RCL1: variants seen among roughly 807,000 people sequenced by gnomAD.
RCL1 encodes the protein RNA terminal phosphate cyclase like 1, also known as RNA 3'-terminal phosphate cyclase-like protein.
A neutral mutation model predicts 42.4 loss-of-function variants in RCL1; 24 were observed. That is an observed-to-expected ratio of 0.57 (90% CI 0.41 to 0.80). The LOEUF (loss-of-function observed/expected upper bound fraction) is 0.80, where lower values mean the gene tolerates loss of function less well. Among genes scored for constraint, RCL1 ranks in the 30% least tolerant of loss-of-function variants. RCL1 has a pLI of 0.00. For synonymous variants in RCL1, 228 were observed against 177.3 expected (o/e 1.29, Z -2.27); for missense variants, 578 against 467.9 (o/e 1.24, Z -2.17).
chr9:4,848,711 G>A (rs1370278571), intron 7 of RCL1, among the ~76,000 whole-genome samples: 1 of 152,142 alleles, frequency 6.6e-6, no homozygotes, highest in Non-Finnish European at 1.5e-5. Flanking sequence ...CTGAGAAAAT[G>A]AAAAACAAAA....
rs1053872 is a variant in RCL1, at chr9:4,860,643, G to T, written c.*368G>T. 1.1e-5 allele frequency: 2 copies of T among 186,688 alleles called. No homozygotes were observed. Among genetic ancestry groups the T allele is most frequent in the African/African-American group, 4.8e-5 (2 of 42,000 alleles). 11.6% of individuals were successfully genotyped at this position (186,688 alleles called of 1,614,324 possible). Reference sequence around the variant, plus strand: ...CAGCCCTCTGTCATATGGCTGTTTTGCAAACCTGTGGAGTCTGTTACTGTT... The same window carrying T: ...CAGCCCTCTGTCATATGGCTGTTTTTCAAACCTGTGGAGTCTGTTACTGTT... On this transcript the variant is annotated 3_prime_UTR_variant, in exon 9 of 9. Coordinates refer to ENST00000381750, the MANE Select transcript of RCL1 (RefSeq NM_005772.5).
intron 3 of RCL1, 85 bp downstream of exon 3, chr9:4,827,118 G>T: frequency 1.3e-6 from 2 of 1,587,242 alleles, no homozygotes; most frequent in East Asian, 2.3e-5. Context: ...TCCTTATAAG[G>T]CACAGTTTTA....
chr9:4,827,399 T>A, intron 3 of RCL1: 1 of 605,088 alleles, frequency 1.7e-6, no homozygotes, highest in Non-Finnish European at 2.7e-6. Context: ...CTGACCAAAA[T>A]TTTGGGCAGG....
intron 7 of RCL1, among the ~76,000 whole-genome samples, chr9:4,848,000 C>T (rs528350757): frequency 1.3e-5 from 2 of 152,352 alleles, no homozygotes; most frequent in Admixed American, 6.5e-5. Flanking sequence ...GCCCCTACCA[C>T]TTCCTCCATG....
chr9:4,797,049 G>C (rs1269021473), intron 1 of RCL1, among the ~76,000 whole-genome samples: 1 of 152,132 alleles, frequency 6.6e-6, no homozygotes, highest in Non-Finnish European at 1.5e-5. Flanking sequence ...TGGCAATTAA[G>C]AGCTTGGGGT....
chr9:4,824,932 G>C (rs1322745610), intron 2 of RCL1, among the ~76,000 whole-genome samples: 1 of 152,164 alleles, frequency 6.6e-6, no homozygotes, highest in Non-Finnish European at 1.5e-5. Context: ...GTCTGTGTGA[G>C]ACGGAGTCTT....
chr9:4,793,374 C>G (rs1842862925), intron 1 of RCL1, 147 bp downstream of exon 1: 8 of 914,682 alleles, frequency 8.7e-6, no homozygotes, highest in Non-Finnish European at 1.2e-5. Context: ...GCCTCCAAAG[C>G]CGGAGGGGCA....
intron 8 of RCL1, among the ~76,000 whole-genome samples, chr9:4,857,375 T>G (rs1163462481): frequency 6.6e-6 from 1 of 152,130 alleles, no homozygotes; most frequent in African/African-American, 2.4e-5. Flanking sequence ...TGGTCCTTTG[T>G]GACTGGATTC....
intron 1 of RCL1, among the ~76,000 whole-genome samples, chr9:4,795,059 G>C (rs954589477): frequency 2.0e-5 from 3 of 151,610 alleles, no homozygotes; most frequent in Non-Finnish European, 2.9e-5. Flanking sequence ...CAGAAACCTT[G>C]TAGATGTTTG....
At chr9:4,853,197 C>T (rs1456711157) in intron 8 of RCL1, among the ~76,000 whole-genome samples, 1 of 152,108 alleles carries the variant, frequency 6.6e-6, no homozygotes, top group Non-Finnish European at 1.5e-5. Context: ...ATCATGTGCA[C>T]CGTCTTACAG....
intron 1 of RCL1, 117 bp from the exon 2 acceptor site, chr9:4,823,431 C>A: frequency 2.8e-6 from 2 of 707,176 alleles, no homozygotes; most frequent in East Asian, 5.5e-5. Flanking sequence ...AGGTGTGATG[C>A]AGGAAGTAAC....
chr9:4,793,210 A>G lies in RCL1; in HGVS notation c.119A>G (p.Asp40Gly), dbSNP rs763879313. The G allele has an allele frequency of 4.0e-5, 64 of 1,603,170 alleles. 1 individual carries two copies. In the Middle Eastern group the frequency reaches 6.6e-4, roughly 17 times the overall value. ...ATCCGAAAGATTCGGGCCAGAGACG[A>G]CAACCCGGGCCTCCGAGGTAACTTG... ...VKIRKIRARD[D>G]NPGLRDFEAS... Residue 40 changes from aspartate (D) to glycine (G), a missense_variant, in exon 1 of 9, where the codon GAC becomes GGC. Transcript: ENST00000381750.
At chr9:4,850,491 T>TC (rs1443119844) in intron 8 of RCL1, 19 of 146,524 alleles carry the variant, frequency 1.3e-4, no homozygotes, top group Non-Finnish European at 2.1e-4. Flanking sequence ...GCTTTTTTTT[T>TC]TCTTTTTTTT....
intron 8 of RCL1, among the ~76,000 whole-genome samples, chr9:4,855,445 G>C (rs1049966147): frequency 1.3e-5 from 2 of 152,130 alleles, no homozygotes; most frequent in African/African-American, 4.8e-5. Context: ...GAGAGGGGCA[G>C]GGAAATATGA....
intron 1 of RCL1, among the ~76,000 whole-genome samples, chr9:4,800,931 G>A (rs944199315): frequency 1.3e-5 from 2 of 152,130 alleles, no homozygotes; most frequent in African/African-American, 4.8e-5. Context: ...TGGGATTACA[G>A]GCGTGAGCCA....
chr9:4,826,711 C>T (rs578190995), intron 2 of RCL1, 147 bp from the exon 3 acceptor site: 14 of 679,432 alleles, frequency 2.1e-5, no homozygotes, highest in South Asian at 1.1e-4. Flanking sequence ...GCTTTTGGAG[C>T]GAAGTGTGGG....
At chr9:4,799,380 A>G (rs1310088794) in intron 1 of RCL1, among the ~76,000 whole-genome samples, 2 of 152,206 alleles carry the variant, frequency 1.3e-5, no homozygotes, top group Non-Finnish European at 2.9e-5. Flanking sequence ...ATAATGCAGA[A>G]AGATCCTGTC....
intron 1 of RCL1, among the ~76,000 whole-genome samples, chr9:4,796,377 C>T (rs1032781035): frequency 2.0e-5 from 3 of 152,176 alleles, no homozygotes; most frequent in African/African-American, 7.2e-5. Flanking sequence ...ATAATGGCCT[C>T]TAGCTCCATG....
chr9:4,808,386 C>T (rs545225882), intron 1 of RCL1, among the ~76,000 whole-genome samples: 120 of 152,142 alleles, frequency 7.9e-4, no homozygotes, highest in African/African-American at 2.8e-3. Context: ...CGCCTCATTG[C>T]CACCTCCACC....
Sources: gnomAD v4.1 joint callset for allele counts (sites outside exome capture counted in the v4.1 genomes callset) on GRCh38, gnomAD v4.1.1 for gene constraint, MANE v1.5 for transcripts, NCBI Gene and HGNC (gene_info 2026-07-23, HGNC 2026-07-21) for gene names.